Variants in DIS3L2 observed in about 807,000 individuals in gnomAD.
DIS3L2 encodes the protein DIS3-like exonuclease 2.
In DIS3L2, 34 loss-of-function variants were observed where a neutral mutation model predicts 97.5. The observed-to-expected ratio is 0.35, with a 90% CI of 0.27 to 0.46. The LOEUF (loss-of-function observed/expected upper bound fraction) is 0.46, where lower values mean the gene tolerates loss of function less well. Ranked by LOEUF, DIS3L2 falls within the 20% of genes least tolerant of loss-of-function variation. The pLI is 1.00. For synonymous variants in DIS3L2, 435 were observed against 445.2 expected, an observed-to-expected ratio of 0.98 and a Z score of 0.29; for missense variants, 1,038 against 1,146.0, an observed-to-expected ratio of 0.91 and a Z score of 1.36.
At chr2:232,295,268 C>A (rs1246840358) in intron 13 of DIS3L2, among the ~76,000 whole-genome samples, 1 of 152,128 alleles carries the variant, frequency 6.6e-6, no homozygotes, top group Non-Finnish European at 1.5e-5. Context: ...TCATCACTTT[C>A]CTCAAACTCC....
chr2:232,262,505 G>A (rs865946853), intron 12 of DIS3L2, among the ~76,000 whole-genome samples: 41 of 152,198 alleles, frequency 2.7e-4, no homozygotes, highest in African/African-American at 9.4e-4. Context: ...AAGACATTTG[G>A]CCATGTCTGG....
intron 8 of DIS3L2, among the ~76,000 whole-genome samples, chr2:232,144,050 C>T (rs1401442088): frequency 2.0e-5 from 3 of 151,916 alleles, no homozygotes; most frequent in East Asian, 3.8e-4. Context: ...TCATTTTAGT[C>T]GATAATATTT....
At chr2:232,181,395 C>A (rs1334491847) in intron 9 of DIS3L2, among the ~76,000 whole-genome samples, 1 of 152,156 alleles carries the variant, frequency 6.6e-6, no homozygotes, top group African/African-American at 2.4e-5. Flanking sequence ...TGGATGATAT[C>A]CTGCAGAGTG....
At chr2:232,339,365 G>T (rs569487191), downstream of DIS3L2, among the ~76,000 whole-genome samples, 1 of 152,204 alleles carries the variant, frequency 6.6e-6, no homozygotes, top group Non-Finnish European at 1.5e-5. Flanking sequence ...CAGCAGCGCC[G>T]CCAGGAGGCA....
intron 5 of DIS3L2, among the ~76,000 whole-genome samples, chr2:232,084,874 T>C (rs1357754708): frequency 7.5e-6 from 1 of 132,998 alleles, no homozygotes; most frequent in Non-Finnish European, 1.6e-5. Flanking sequence ...AAACTGAGGA[T>C]ATATTCTTAC....
intron 6 of DIS3L2, 43 bp downstream of exon 6, chr2:232,087,764 G>A: frequency 6.9e-7 from 1 of 1,444,446 alleles, no homozygotes; most frequent in Middle Eastern, 1.7e-4. Context: ...TAAGTACACT[G>A]ATTAAGTATT....
intron 9 of DIS3L2, among the ~76,000 whole-genome samples, chr2:232,182,308 T>C (rs755479817): frequency 6.6e-6 from 1 of 152,216 alleles, no homozygotes; most frequent in Non-Finnish European, 1.5e-5. Context: ...CTTTGCATGA[T>C]TTTAGTCCTT....
intron 6 of DIS3L2, among the ~76,000 whole-genome samples, chr2:232,125,712 A>G (rs113511945): frequency 0.012 from 1,793 of 152,322 alleles, 36 homozygotes; most frequent in African/African-American, 0.041. Context: ...GTGCTCCTGA[A>G]GACTGTCCCT....
chr2:232,219,498 C>T (rs1010056314), intron 10 of DIS3L2, among the ~76,000 whole-genome samples: 2 of 152,144 alleles, frequency 1.3e-5, no homozygotes, highest in African/African-American at 4.8e-5. Context: ...ATATAAGTCT[C>T]ATCCACTTTC....
chr2:232,148,617 G>A (rs1690294029), intron 8 of DIS3L2, among the ~76,000 whole-genome samples: 1 of 152,088 alleles, frequency 6.6e-6, no homozygotes, highest in African/African-American at 2.4e-5. Flanking sequence ...TTGTCTTTAT[G>A]AGCCATGTTG....
intron 16 of DIS3L2, among the ~76,000 whole-genome samples, chr2:232,333,496 T>C (rs1004919064): frequency 6.6e-6 from 1 of 152,150 alleles, no homozygotes; most frequent in African/African-American, 2.4e-5. Context: ...CCTGACAGCA[T>C]CCTGGGGGTT....
chr2:232,270,182 T>A (rs1042540270), intron 13 of DIS3L2, among the ~76,000 whole-genome samples: 1 of 152,094 alleles, frequency 6.6e-6, no homozygotes, highest in Non-Finnish European at 1.5e-5. Flanking sequence ...GCCTCTCCGG[T>A]CCCCTCTTCT....
chr2:231,977,390 A>G (rs1693130033), intron 1 of DIS3L2, among the ~76,000 whole-genome samples: 1 of 152,206 alleles, frequency 6.6e-6, no homozygotes, highest in African/African-American at 2.4e-5. Context: ...CTGTGTTCAT[A>G]AAATTCCTTC....
intron 14 of DIS3L2, among the ~76,000 whole-genome samples, chr2:232,320,299 T>G (rs571201288): frequency 6.6e-6 from 1 of 152,278 alleles, no homozygotes; most frequent in African/African-American, 2.4e-5. Flanking sequence ...CATGCTGTGT[T>G]CCAGGGGGTG....
At chr2:232,263,521 T>A (rs1693775424) in intron 13 of DIS3L2, 81 bp downstream of exon 13, 2 of 1,368,448 alleles carry the variant, frequency 1.5e-6, no homozygotes, top group Non-Finnish European at 2.0e-6. Context: ...CTTGGCAGGC[T>A]TAGACTCTTC....
intron 13 of DIS3L2, among the ~76,000 whole-genome samples, chr2:232,282,376 A>G (rs1246958296): frequency 6.6e-6 from 1 of 152,132 alleles, no homozygotes; most frequent in Non-Finnish European, 1.5e-5. Context: ...GGCACAGACA[A>G]TGCCACTTTC....
In DIS3L2 at chr2:232,343,496, A is replaced by G. The variant is rs527819023; in HGVS notation, c.1733A>G (p.Gln578Arg). 3.0e-5 allele frequency: 47 copies of G among 1,556,766 alleles called. No homozygotes were observed. In the East Asian group the frequency reaches 7.8e-4, roughly 26 times the overall value. ...CCAGACACACGACTGTTTTTCCTTC[A>G]GCAACAGAGCCGTGTATTGGAAGCA... The change falls in exon 14 of 14, where the codon CAG (glutamine) becomes CGG (arginine). Residue 578 changes from glutamine (Q) to arginine (R), a missense_variant. Gln to Arg is a conservative substitution (Grantham distance 43). Transcript: ENST00000273009.
chr2:232,130,787 G>A (rs750982979), intron 7 of DIS3L2, 68 bp downstream of exon 7: 6 of 1,585,478 alleles, frequency 3.8e-6, no homozygotes, highest in African/African-American at 2.7e-5. Flanking sequence ...TGAAGATCTC[G>A]TGTGATTCAG....
chr2:232,233,229 C>T (rs1022858985), intron 10 of DIS3L2, among the ~76,000 whole-genome samples: 12 of 152,220 alleles, frequency 7.9e-5, no homozygotes, highest in Admixed American at 6.5e-4. Context: ...ACTAAAACAA[C>T]GGATTTATTC....
Sources: allele counts gnomAD v4.1 joint callset (sites outside exome capture counted in the v4.1 genomes callset), GRCh38; gene constraint gnomAD v4.1.1; transcripts MANE v1.5; gene names NCBI Gene and HGNC (gene_info 2026-07-23, HGNC 2026-07-21).